CGGBP1: variants seen among roughly 807,000 people sequenced by gnomAD.
CGGBP1 encodes CGG triplet repeat-binding protein 1.
In CGGBP1, 4 loss-of-function variants were observed where a neutral mutation model predicts 11.4. The observed-to-expected ratio is 0.35, with a 90% CI of 0.17 to 0.80. The LOEUF (loss-of-function observed/expected upper bound fraction) is 0.80, where lower values mean the gene tolerates loss of function less well. Ranked by LOEUF, CGGBP1 falls within the 30% of genes least tolerant of loss-of-function variation. The probability of loss-of-function intolerance (pLI) is 0.52; values close to 1 mark genes in which losing one functional copy is unlikely to be tolerated. For missense variants in CGGBP1, 135 were observed against 202.1 expected, an observed-to-expected ratio of 0.67 and a Z score of 2.01; for synonymous variants, 76 against 74.1, an observed-to-expected ratio of 1.03 and a Z score of -0.13.
intron 2 of CGGBP1, among the ~76,000 whole-genome samples, chr3:88,116,947 C>A (rs1474048832): frequency 6.6e-6 from 1 of 152,098 alleles, no homozygotes; most frequent in Non-Finnish European, 1.5e-5. Flanking sequence ...AGGATAAATA[C>A]CTCAGTTATC....
At chr3:88,135,237 T>C (rs1306932856) in intron 2 of CGGBP1, 23 of 1,372,178 alleles carry the variant, frequency 1.7e-5, no homozygotes, top group Non-Finnish European at 2.2e-5. Context: ...AAATTTAAAA[T>C]TGAGTGACAG....
intron 2 of CGGBP1, among the ~76,000 whole-genome samples, chr3:88,133,497 G>A (rs1421563637): frequency 1.3e-5 from 2 of 152,170 alleles, no homozygotes; most frequent in African/African-American, 2.4e-5. Context: ...TATCACTTTA[G>A]TTTGGGGTAT....
upstream of CGGBP1, among the ~76,000 whole-genome samples, chr3:88,060,416 C>T (rs73844843): frequency 3.0e-3 from 460 of 152,258 alleles, 3 homozygotes; most frequent in African/African-American, 0.011. Flanking sequence ...TCTCATCTAC[C>T]TGCATTTGTA....
At chr3:88,131,681 A>G (rs1706472211) in intron 2 of CGGBP1, among the ~76,000 whole-genome samples, 1 of 152,144 alleles carries the variant, frequency 6.6e-6, no homozygotes, top group Non-Finnish European at 1.5e-5. Context: ...CTGCCTAACC[A>G]AAAAGGAGTC....
chr3:88,079,499 A>G (rs1395488939), intron 2 of CGGBP1, among the ~76,000 whole-genome samples: 4 of 152,048 alleles, frequency 2.6e-5, no homozygotes, highest in East Asian at 1.9e-4. Flanking sequence ...ACATCTATCT[A>G]TTTTTGTTTC....
At chr3:88,126,540 C>T (rs1444026407) in intron 2 of CGGBP1, among the ~76,000 whole-genome samples, 4 of 142,740 alleles carry the variant, frequency 2.8e-5, no homozygotes, top group Non-Finnish European at 6.1e-5. Flanking sequence ...ATTTTTGTCA[C>T]TTCAGTTATA....
intron 1 of CGGBP1, chr3:88,141,959 C>T (rs1707154074): frequency 4.1e-6 from 1 of 243,162 alleles, no homozygotes; most frequent in Non-Finnish European, 7.9e-6. Context: ...GGCAACTAGT[C>T]AGAAAACCAG....
At chr3:88,099,526 C>T (rs572865253) in intron 2 of CGGBP1, among the ~76,000 whole-genome samples, 39 of 149,480 alleles carry the variant, frequency 2.6e-4, no homozygotes, top group African/African-American at 8.6e-4. Flanking sequence ...CAAGACAATC[C>T]TAAGCCAAAG....
chr3:88,140,328 G>C, intron 2 of CGGBP1: 1 of 1,613,556 alleles, frequency 6.2e-7, no homozygotes. Context: ...AATTCTTTGG[G>C]ATGTTCAGAC....
intron 2 of CGGBP1, among the ~76,000 whole-genome samples, chr3:88,106,913 A>T (rs1704776765): frequency 6.6e-6 from 1 of 152,018 alleles, no homozygotes; most frequent in Non-Finnish European, 1.5e-5. Context: ...CGTATACTAA[A>T]TTTTCACATA....
At chr3:88,134,647 T>C (rs1210897459) in intron 2 of CGGBP1, among the ~76,000 whole-genome samples, 1 of 152,098 alleles carries the variant, frequency 6.6e-6, no homozygotes, top group Non-Finnish European at 1.5e-5. Context: ...TCTTAATAAA[T>C]TGAAAATGAA....
intron 2 of CGGBP1, among the ~76,000 whole-genome samples, chr3:88,118,234 C>G (rs1705531675): frequency 6.6e-6 from 1 of 152,124 alleles, no homozygotes; most frequent in Admixed American, 6.6e-5. Flanking sequence ...ATAAAGCCTT[C>G]TTTCCCTGAG....
intron 2 of CGGBP1, among the ~76,000 whole-genome samples, chr3:88,112,241 T>G (rs912649437): frequency 4.6e-5 from 7 of 151,260 alleles, no homozygotes; most frequent in African/African-American, 1.5e-4. Flanking sequence ...GTTTACATTT[T>G]ATAATTTTAG....
intron 2 of CGGBP1, among the ~76,000 whole-genome samples, chr3:88,073,579 G>A (rs1469862658): frequency 1.3e-5 from 2 of 152,292 alleles, no homozygotes; most frequent in Non-Finnish European, 2.9e-5. Context: ...TTAGCATTTT[G>A]CTAAAAGTGG....
chr3:88,096,150 A>G (rs1028159311), intron 2 of CGGBP1, among the ~76,000 whole-genome samples: 1 of 151,956 alleles, frequency 6.6e-6, no homozygotes, highest in Non-Finnish European at 1.5e-5. Context: ...GTAAATGTCA[A>G]CCATCCTAGA....
intron 1 of CGGBP1, among the ~76,000 whole-genome samples, chr3:88,148,997 T>C (rs932574902): frequency 4.6e-5 from 7 of 152,162 alleles, no homozygotes; most frequent in African/African-American, 1.7e-4. Flanking sequence ...ATGTGTACAT[T>C]TCAGCTACTA....
upstream of CGGBP1, chr3:88,059,137 T>C (rs1334240660): frequency 4.3e-6 from 5 of 1,166,420 alleles, no homozygotes; most frequent in Non-Finnish European, 5.8e-6. Flanking sequence ...GCAGCTTGCG[T>C]CTTCCAATAA....
chr3:88,134,372 T>G (rs1217136156), intron 2 of CGGBP1, among the ~76,000 whole-genome samples: 1 of 152,084 alleles, frequency 6.6e-6, no homozygotes, highest in Non-Finnish European at 1.5e-5. Context: ...CTTTGTACAC[T>G]TTTATGACAT....
At chr3:88,125,623 C>T (rs1706053291) in intron 2 of CGGBP1, among the ~76,000 whole-genome samples, 1 of 152,054 alleles carries the variant, frequency 6.6e-6, no homozygotes, top group Non-Finnish European at 1.5e-5. Flanking sequence ...ACAGAATCTC[C>T]ATCTTCCAGC....
Sources: gnomAD v4.1 joint callset for allele counts (sites outside exome capture counted in the v4.1 genomes callset) on GRCh38, gnomAD v4.1.1 for gene constraint, MANE v1.5 for transcripts, NCBI Gene and HGNC (gene_info 2026-07-23, HGNC 2026-07-21) for gene names.